The following GRM7 variants were observed in gnomAD, a reference collection of about 807,000 sequenced individuals.
GRM7 encodes the protein glutamate metabotropic receptor 7.
Under a neutral mutation model 84.5 loss-of-function variants are expected in GRM7, and 35 were observed. That is an observed-to-expected ratio of 0.41 (90% CI 0.32 to 0.55). The LOEUF is 0.55. Ranked by LOEUF, GRM7 falls within the 20% of genes least tolerant of loss-of-function variation. GRM7 has a pLI of 0.19. For missense variants in GRM7, 1,003 were observed against 1,194.6 expected (o/e 0.84, Z 2.36); for synonymous variants, 487 against 455.1 (o/e 1.07, Z -0.89).
At chr3:6,871,850 C>T (rs370065681) in intron 1 of GRM7, among the ~76,000 whole-genome samples, 10 of 151,870 alleles carry the variant, frequency 6.6e-5, no homozygotes, top group South Asian at 2.1e-4. Flanking sequence ...TTCTGAAGAA[C>T]GGAACAGAGG....
intron 3 of GRM7, among the ~76,000 whole-genome samples, chr3:7,301,671 G>T (rs913303297): frequency 2.7e-4 from 12 of 45,218 alleles, no homozygotes; most frequent in African/African-American, 4.8e-4. Context: ...CATTGGACTT[G>T]TTTGTGTGTT....
chr3:7,557,476 G>A (rs945852808), intron 7 of GRM7, among the ~76,000 whole-genome samples: 2 of 152,162 alleles, frequency 1.3e-5, no homozygotes, highest in East Asian at 1.9e-4. Context: ...TGTATTGAGC[G>A]AGGAAGAAAA....
chr3:7,699,429 TATAATC>T (rs1701142556), intron 9 of GRM7, among the ~76,000 whole-genome samples: 5 of 152,354 alleles, frequency 3.3e-5, no homozygotes, highest in South Asian at 2.1e-4. Flanking sequence ...GAGTAGTTCT[TATAATC>T]AGGAAAGGAA....
chr3:7,371,965 G>A (rs184309973), intron 4 of GRM7, among the ~76,000 whole-genome samples: 35 of 152,274 alleles, frequency 2.3e-4, no homozygotes, highest in Middle Eastern at 3.4e-3. Flanking sequence ...AGCAGTAAAA[G>A]ATGCTCAAAG....
chr3:7,050,260 G>A (rs1696944569), intron 1 of GRM7, among the ~76,000 whole-genome samples: 1 of 151,822 alleles, frequency 6.6e-6, no homozygotes, highest in Non-Finnish European at 1.5e-5. Flanking sequence ...AATGGAGGGG[G>A]AAGAAAATAA....
intron 7 of GRM7, among the ~76,000 whole-genome samples, chr3:7,484,157 T>C (rs1056903453): frequency 6.6e-6 from 1 of 152,204 alleles, no homozygotes; most frequent in Non-Finnish European, 1.5e-5. Flanking sequence ...TAAAGACTTA[T>C]GGTAAGGTGC....
At chr3:7,365,976 A>G (rs1693873991) in intron 4 of GRM7, among the ~76,000 whole-genome samples, 1 of 151,614 alleles carries the variant, frequency 6.6e-6, no homozygotes, top group African/African-American at 2.4e-5. Flanking sequence ...CAGTGTGACA[A>G]TCCCATACTA....
chr3:7,732,691 A>G (rs1053599378), intron 9 of GRM7, among the ~76,000 whole-genome samples: 3 of 152,180 alleles, frequency 2.0e-5, no homozygotes, highest in Non-Finnish European at 2.9e-5. Flanking sequence ...ATAATCATAG[A>G]CATTCTGACT....
chr3:6,989,236 T>C (rs1049821593), intron 1 of GRM7, among the ~76,000 whole-genome samples: 1 of 152,240 alleles, frequency 6.6e-6, no homozygotes, highest in Non-Finnish European at 1.5e-5. Flanking sequence ...AAAGAAATTA[T>C]GTACTTTTTT....
At chr3:6,882,515 C>G (rs185642367) in intron 1 of GRM7, among the ~76,000 whole-genome samples, 120 of 151,956 alleles carry the variant, frequency 7.9e-4, no homozygotes, top group Non-Finnish European at 1.4e-3. Context: ...CACTGCCCCC[C>G]GGCCTGGACA....
chr3:7,125,401 C>T (rs144387876), intron 1 of GRM7, among the ~76,000 whole-genome samples: 1 of 152,246 alleles, frequency 6.6e-6, no homozygotes, highest in African/African-American at 2.4e-5. Flanking sequence ...CTGGTTTCAT[C>T]CCACTCCCCT....
intron 1 of GRM7, among the ~76,000 whole-genome samples, chr3:7,029,311 A>AC (rs1338547120): frequency 6.2e-5 from 9 of 144,828 alleles, no homozygotes; most frequent in Non-Finnish European, 1.1e-4. Flanking sequence ...CAAAAAAAAA[A>AC]AAACAAAAAA....
intron 1 of GRM7, among the ~76,000 whole-genome samples, chr3:7,092,997 T>C (rs1207929277): frequency 6.6e-6 from 1 of 151,980 alleles, no homozygotes; most frequent in Admixed American, 6.6e-5. Context: ...GTAGGAGGAT[T>C]CCTTGAGCCC....
At chr3:7,336,520 A>G (rs1304979396) in intron 4 of GRM7, among the ~76,000 whole-genome samples, 6 of 152,170 alleles carry the variant, frequency 3.9e-5, no homozygotes, top group South Asian at 4.2e-4. Context: ...TTTATTCAAC[A>G]TAATACTGGA....
At chr3:7,495,633 G>A (rs1575416745) in intron 7 of GRM7, among the ~76,000 whole-genome samples, 1 of 152,116 alleles carries the variant, frequency 6.6e-6, no homozygotes. Context: ...TCCCTCTCCC[G>A]ATTGCTTATT....
Position 7,579,351 on chromosome 3 carries a change from G to T in GRM7, c.2445G>T (p.Ala815=). The T allele has an allele frequency of 6.5e-7, 1 of 1,535,806 alleles. No individual in the cohort carries two copies. The highest frequency in any genetic ancestry group is 8.8e-7 in the Non-Finnish European group (1 of 1,134,418). The change falls in exon 8 of 10, where the codon GCG becomes GCT. Residue 815 remains alanine, a synonymous_variant. Coordinates refer to ENST00000357716, the MANE Select transcript of GRM7 (RefSeq NM_000844.4). ...TTTTTTTTGGCACCGCTCAATCAGC[G>T]GAAAAGGTAAGTGAAAATGCACATC... ...IPIFFGTAQS[A]EKLYIQTTTL...
At chr3:7,366,775 A>G (rs566972202) in intron 4 of GRM7, among the ~76,000 whole-genome samples, 2 of 151,958 alleles carry the variant, frequency 1.3e-5, no homozygotes, top group African/African-American at 4.8e-5. Context: ...GGATTTCTGT[A>G]TATTAATTAT....
intron 1 of GRM7, among the ~76,000 whole-genome samples, chr3:7,011,080 ACATATG>A (rs1248007665): frequency 1.3e-5 from 2 of 152,176 alleles, no homozygotes; most frequent in African/African-American, 4.8e-5. Flanking sequence ...TAACTCTACA[ACATATG>A]AAGGTTTTGT....
intron 7 of GRM7, among the ~76,000 whole-genome samples, chr3:7,528,037 C>T (rs1436945748): frequency 6.6e-6 from 1 of 151,970 alleles, no homozygotes; most frequent in East Asian, 1.9e-4. Flanking sequence ...ATACTGGTTT[C>T]ACAGAATAAG....
Sources: allele counts gnomAD v4.1 joint callset (sites outside exome capture counted in the v4.1 genomes callset), GRCh38; gene constraint gnomAD v4.1.1; transcripts MANE v1.5; gene names NCBI Gene and HGNC (gene_info 2026-07-23, HGNC 2026-07-21).